Variants in TANC1 observed in about 807,000 individuals in gnomAD.
TANC1 encodes protein TANC1.
Under a neutral mutation model 149.7 loss-of-function variants are expected in TANC1, and 77 were observed. That is an observed-to-expected ratio of 0.51 (90% CI 0.43 to 0.62). TANC1 has a LOEUF of 0.62. Ranked by LOEUF, TANC1 falls within the 20% of genes least tolerant of loss-of-function variation. TANC1 has a pLI of 0.00. For missense variants in TANC1, 1,985 were observed against 2,321.8 expected, an observed-to-expected ratio of 0.85 and a Z score of 2.98; for synonymous variants, 854 against 925.0, an observed-to-expected ratio of 0.92 and a Z score of 1.39.
chr2:159,059,580 G>A (rs1271324484), intron 2 of TANC1, among the ~76,000 whole-genome samples: 1 of 152,068 alleles, frequency 6.6e-6, no homozygotes, highest in Non-Finnish European at 1.5e-5. Flanking sequence ...TTTACGGGTT[G>A]TTCTAGCCAT....
intron 4 of TANC1, among the ~76,000 whole-genome samples, chr2:159,111,359 A>G (rs1370954387): frequency 5.3e-5 from 8 of 152,252 alleles, no homozygotes; most frequent in African/African-American, 1.7e-4. Context: ...GCTGTGCAAC[A>G]CAGCAGAGAA....
At position 159,229,828 on chromosome 2, in the gene TANC1, G is replaced by C. The variant is rs374584254; in HGVS notation, c.4402G>C (p.Glu1468Gln). The change falls in exon 27 of 27, where the codon GAA (glutamate) becomes CAA (glutamine). Residue 1468 changes from glutamate (E) to glutamine (Q), a missense_variant. Physicochemically the swap from Glu to Gln is conservative, Grantham distance 29. Coordinates refer to ENST00000263635, the MANE Select transcript of TANC1 (RefSeq NM_033394.3). Reference protein sequence around the residue: ...ETEEEETSPQEESVSPTPRSQ... With the variant: ...ETEEEETSPQQESVSPTPRSQ... ...TGAAGAGGAAGAAACTTCTCCCCAG[G>C]AAGAATCTGTTTCCCCAACTCCCAG... The C allele has an allele frequency of 6.2e-7, 1 of 1,613,880 alleles. No individual in the cohort carries two copies. Among genetic ancestry groups the C allele is most frequent in the African/African-American group, 1.3e-5 (1 of 74,882 alleles).
intron 2 of TANC1, among the ~76,000 whole-genome samples, chr2:159,038,486 G>A (rs1436824158): frequency 6.6e-6 from 1 of 152,164 alleles, no homozygotes; most frequent in Non-Finnish European, 1.5e-5. Context: ...TTGGCTGTGA[G>A]TTTGTCATAA....
chr2:158,975,790 A>G (rs2149186186), intron 1 of TANC1, among the ~76,000 whole-genome samples: 1 of 151,444 alleles, frequency 6.6e-6, no homozygotes, highest in South Asian at 2.1e-4. Context: ...GTGACTCAGA[A>G]CTTCTGTGAG....
At chr2:159,137,202 T>C (rs1471270617) in intron 5 of TANC1, among the ~76,000 whole-genome samples, 1 of 152,204 alleles carries the variant, frequency 6.6e-6, no homozygotes. Flanking sequence ...ATACAGACCC[T>C]TTATGTCCTA....
chr2:159,051,180 C>G (rs2041437823), intron 2 of TANC1, among the ~76,000 whole-genome samples: 1 of 152,092 alleles, frequency 6.6e-6, no homozygotes, highest in Non-Finnish European at 1.5e-5. Flanking sequence ...GCTGTTTTTC[C>G]TTAGTGGGAG....
intron 19 of TANC1, among the ~76,000 whole-genome samples, chr2:159,212,930 A>G (rs1053026572): frequency 6.6e-6 from 1 of 151,924 alleles, no homozygotes; most frequent in Non-Finnish European, 1.5e-5. Context: ...AAAAAAAAAA[A>G]AAAAAAAAAA....
chr2:159,020,294 C>T (rs1356718592), intron 2 of TANC1, among the ~76,000 whole-genome samples: 1 of 151,598 alleles, frequency 6.6e-6, no homozygotes, highest in Non-Finnish European at 1.5e-5. Context: ...TTGTATTTTT[C>T]GTAGAGACAG....
At chr2:159,087,792 G>T (rs1265444415) in intron 3 of TANC1, among the ~76,000 whole-genome samples, 1 of 150,916 alleles carries the variant, frequency 6.6e-6, no homozygotes, top group East Asian at 1.9e-4. Context: ...CTGTTAAAGT[G>T]ATCCTGTTTG....
At chr2:159,047,292 T>C (rs997827918) in intron 2 of TANC1, among the ~76,000 whole-genome samples, 3 of 151,778 alleles carry the variant, frequency 2.0e-5, no homozygotes, top group Non-Finnish European at 4.4e-5. Context: ...TTCTACCCTG[T>C]CACTCAAGCC....
chr2:159,143,071 A>AC (rs1559338438), intron 5 of TANC1, among the ~76,000 whole-genome samples: 4 of 74,218 alleles, frequency 5.4e-5, no homozygotes, highest in South Asian at 4.2e-4. Context: ...TCAAAAAAAA[A>AC]AAAAAAACAA....
chr2:159,159,715 T>TGAGA lies in TANC1; in HGVS notation c.683-3567_683-3566insAGAG, dbSNP rs1221978334. Among the ~76,000 whole-genome samples, 91 of 63,202 alleles carry TGAGA rather than the reference T, an allele frequency of 1.4e-3. No homozygotes were observed. The East Asian group carries it at 0.018, about 12-fold the overall frequency. 41.5% of individuals were successfully genotyped at this position (63,202 alleles called of 152,430 possible). On this transcript the variant is annotated intron_variant, in intron 7 of 26. Transcript: ENST00000263635. ...ACGTGTGTGTGTGTGTGTGTGTGTG[T>TGAGA]GTGAGAGAGAGAGAGAGAGAGAGAG...
chr2:159,211,606 A>AT (rs1056703192), intron 19 of TANC1, among the ~76,000 whole-genome samples: 1 of 152,198 alleles, frequency 6.6e-6, no homozygotes, highest in Non-Finnish European at 1.5e-5. Context: ...TTGCTTAAGC[A>AT]TGTGGGTGGC....
intron 2 of TANC1, among the ~76,000 whole-genome samples, chr2:159,033,513 T>C (rs16843581): frequency 0.049 from 7,410 of 152,136 alleles, 571 homozygotes; most frequent in African/African-American, 0.17. Flanking sequence ...CTAGTACAGA[T>C]GGGATACACT....
rs1453487095 is a variant in TANC1, at chr2:159,227,856, ATGCCTTAAGAAAG to A, written c.3943_3955del (p.Ala1315PhefsTer10). On this transcript the variant is annotated frameshift_variant, in exon 25 of 27. Coordinates refer to ENST00000263635, the MANE Select transcript of TANC1 (RefSeq NM_033394.3). LOFTEE classifies it high-confidence loss of function. ...AAAGAGGCAGCCCAGAGGTACCAGT[ATGCCTTAAGAAAG>A]TTTCCTCGAGAAGGATTCGGAGAGG... The A allele has an allele frequency of 6.2e-7, 1 of 1,614,200 alleles. No homozygotes were observed. The highest frequency in any genetic ancestry group is 8.5e-7 in the Non-Finnish European group (1 of 1,180,010).
At chr2:159,146,692 C>T (rs574019559) in intron 5 of TANC1, among the ~76,000 whole-genome samples, 2 of 152,188 alleles carry the variant, frequency 1.3e-5, no homozygotes, top group East Asian at 3.9e-4. Flanking sequence ...AGGCATCTGC[C>T]ACTACGCCCA....
At chr2:159,078,845 A>C (rs764344815) in intron 3 of TANC1, among the ~76,000 whole-genome samples, 22 of 151,980 alleles carry the variant, frequency 1.4e-4, no homozygotes, top group Admixed American at 9.8e-4. Context: ...TTTTTTCTGA[A>C]CCTGTTTTCT....
At chr2:159,026,685 C>T (rs995301985) in intron 2 of TANC1, among the ~76,000 whole-genome samples, 1 of 152,072 alleles carries the variant, frequency 6.6e-6, no homozygotes, top group South Asian at 2.1e-4. Context: ...GCTGCTAGTC[C>T]TTGCTGCTTG....
chr2:158,991,327 A>G (rs375656997), intron 1 of TANC1, among the ~76,000 whole-genome samples: 3 of 152,270 alleles, frequency 2.0e-5, no homozygotes, highest in African/African-American at 4.8e-5. Context: ...GATTAAGTAA[A>G]TTTTGGTACA....
Sources: allele counts gnomAD v4.1 joint callset (sites outside exome capture counted in the v4.1 genomes callset), GRCh38; gene constraint gnomAD v4.1.1; transcripts MANE v1.5; gene names NCBI Gene and HGNC (gene_info 2026-07-23, HGNC 2026-07-21).